Variants in TUSC3 observed in about 807,000 individuals in gnomAD.
The protein encoded by TUSC3 is dolichyl-diphosphooligosaccharide--protein glycosyltransferase subunit TUSC3.
TUSC3 carries 45 observed loss-of-function variants against 44.8 expected under a neutral mutation model. The ratio of observed to expected loss-of-function variants is 1.00; its 90% CI spans 0.79 to 1.29. The LOEUF (loss-of-function observed/expected upper bound fraction) is 1.29, where lower values mean the gene tolerates loss of function less well. Among genes scored for constraint, TUSC3 ranks in the 50% most tolerant of loss-of-function variants. The pLI is 0.00. For synonymous variants in TUSC3, 212 were observed against 152.9 expected, an observed-to-expected ratio of 1.39 and a Z score of -2.85; for missense variants, 519 against 437.9, an observed-to-expected ratio of 1.19 and a Z score of -1.65.
At chr8:15,552,831 T>C (rs1802103682) in intron 1 of TUSC3, among the ~76,000 whole-genome samples, 1 of 151,718 alleles carries the variant, frequency 6.6e-6, no homozygotes, top group Non-Finnish European at 1.5e-5. Flanking sequence ...ATGGCTATGC[T>C]GTGGAGAATA....
intron 1 of TUSC3, among the ~76,000 whole-genome samples, chr8:15,478,334 T>C (rs1170511839): frequency 2.6e-5 from 4 of 152,096 alleles, no homozygotes; most frequent in African/African-American, 4.8e-5. Flanking sequence ...TTTACATAAG[T>C]ATACGTGTGC....
At chr8:15,665,702 A>G (rs1807625638) in intron 5 of TUSC3, among the ~76,000 whole-genome samples, 1 of 151,334 alleles carries the variant, frequency 6.6e-6, no homozygotes, top group Non-Finnish European at 1.5e-5. Flanking sequence ...AATTTGCAGT[A>G]TATTGCAATA....
chr8:15,838,838 A>G, the TUSC3 span, among the ~76,000 whole-genome samples: 136,873 of 152,098 alleles, frequency 0.9, 61,750 homozygotes, highest in Non-Finnish European at 0.93. Flanking sequence ...TTGGCAATGC[A>G]GGCTCTTTTT....
At chr8:15,743,424 T>A in intron 7 of TUSC3, 114 bp from the exon 8 acceptor site, 2 of 1,035,454 alleles carry the variant, frequency 1.9e-6, no homozygotes, top group South Asian at 2.5e-5. Flanking sequence ...TTGATTGTAT[T>A]TACCTCTGTG....
intron 2 of TUSC3, among the ~76,000 whole-genome samples, chr8:15,648,630 G>A (rs1170734093): frequency 2.0e-5 from 3 of 147,308 alleles, no homozygotes; most frequent in African/African-American, 7.5e-5. Context: ...GGAGGCTGAG[G>A]CAGGAGAATG....
At chr8:15,839,449 T>C in the TUSC3 span, among the ~76,000 whole-genome samples, 2 of 151,896 alleles carry the variant, frequency 1.3e-5, no homozygotes, top group African/African-American at 4.8e-5. Flanking sequence ...ACCCACAGAA[T>C]GGGAGAAAAT....
chr8:15,649,240 T>G (rs1455035062), intron 2 of TUSC3, among the ~76,000 whole-genome samples: 5 of 152,122 alleles, frequency 3.3e-5, no homozygotes, highest in African/African-American at 1.2e-4. Flanking sequence ...GGATGAAGGC[T>G]AACATTGGGA....
At chr8:15,486,167 C>T (rs1800730002) in intron 2 of TUSC3, among the ~76,000 whole-genome samples, 1 of 152,100 alleles carries the variant, frequency 6.6e-6, no homozygotes, top group African/African-American at 2.4e-5. Context: ...AAAGAAGTGA[C>T]GTGATTGGTC....
the TUSC3 span, among the ~76,000 whole-genome samples, chr8:15,780,420 A>T: frequency 6.6e-6 from 1 of 152,138 alleles, no homozygotes; most frequent in African/African-American, 2.4e-5. Context: ...AACAAAGGGG[A>T]CTAGGCATAC....
At chr8:15,635,762 C>G (rs1806041963) in intron 2 of TUSC3, among the ~76,000 whole-genome samples, 1 of 152,130 alleles carries the variant, frequency 6.6e-6, no homozygotes, top group African/African-American at 2.4e-5. Flanking sequence ...ATAAGAGTCT[C>G]AAGTCTAGTA....
chr8:15,631,955 C>T (rs371122771), intron 2 of TUSC3, among the ~76,000 whole-genome samples: 2 of 152,160 alleles, frequency 1.3e-5, no homozygotes, highest in Non-Finnish European at 2.9e-5. Context: ...GATCCGCCTG[C>T]CTTGGCCTCC....
chr8:15,552,933 A>G (rs981085387), intron 1 of TUSC3, among the ~76,000 whole-genome samples: 3 of 151,670 alleles, frequency 2.0e-5, no homozygotes, highest in Non-Finnish European at 4.4e-5. Flanking sequence ...GGCAGTGAGA[A>G]TGAAGAAAAA....
chr8:15,441,349 G>T (rs942203867), intron 1 of TUSC3, among the ~76,000 whole-genome samples: 2 of 152,198 alleles, frequency 1.3e-5, no homozygotes, highest in African/African-American at 4.8e-5. Flanking sequence ...GGAGTTTTCA[G>T]TGAGCCGAGA....
chr8:15,621,823 T>C (rs921566221), intron 1 of TUSC3, among the ~76,000 whole-genome samples: 1 of 151,960 alleles, frequency 6.6e-6, no homozygotes, highest in African/African-American at 2.4e-5. Context: ...ATTTTTCTTT[T>C]TCATACAGTT....
chr8:15,763,160 A>C lies in TUSC3; in HGVS notation c.*47-1043A>C, dbSNP rs188377762. 4.1e-3 allele frequency among the ~76,000 whole-genome samples: 627 copies of C among 151,816 alleles called. 4 individuals are homozygous for C. Among genetic ancestry groups the C allele is most frequent in the African/African-American group, 0.015 (602 of 41,486 alleles). On this transcript the variant is annotated intron_variant, in intron 10 of 10. Coordinates refer to ENST00000503731, the MANE Select transcript of TUSC3 (RefSeq NM_006765.4). ...AATATATATTTCATGTTTTATACTA[A>C]AATGTTACATTTTAAAATACATATT...
intron 2 of TUSC3, among the ~76,000 whole-genome samples, chr8:15,649,390 C>T (rs1044380200): frequency 4.6e-5 from 7 of 151,942 alleles, no homozygotes; most frequent in Non-Finnish European, 7.4e-5. Context: ...CGAGACCATC[C>T]TGGCTAACAC....
chr8:15,422,830 A>T (rs1799754399), intron 1 of TUSC3, among the ~76,000 whole-genome samples: 1 of 151,900 alleles, frequency 6.6e-6, no homozygotes, highest in South Asian at 2.1e-4. Flanking sequence ...TTTTGTAGAG[A>T]TGGGGTTTTG....
chr8:15,683,671 G>A (rs1245347192), intron 6 of TUSC3, among the ~76,000 whole-genome samples: 1 of 152,072 alleles, frequency 6.6e-6, no homozygotes, highest in Non-Finnish European at 1.5e-5. Flanking sequence ...TCGATTGTTA[G>A]GGAGCTAGTG....
At chr8:15,706,026 C>A (rs556105160) in intron 6 of TUSC3, among the ~76,000 whole-genome samples, 1 of 152,058 alleles carries the variant, frequency 6.6e-6, no homozygotes, top group African/African-American at 2.4e-5. Flanking sequence ...ATGGTTGGAT[C>A]TCTCAAATTT....
Sources: gnomAD v4.1 joint callset for allele counts (sites outside exome capture counted in the v4.1 genomes callset) on GRCh38, gnomAD v4.1.1 for gene constraint, MANE v1.5 for transcripts, NCBI Gene and HGNC (gene_info 2026-07-23, HGNC 2026-07-21) for gene names.